The following ING4 variants were observed in gnomAD, a reference collection of about 807,000 sequenced individuals.
ING4 encodes the protein inhibitor of growth protein 4.
A neutral mutation model predicts 33.1 loss-of-function variants in ING4; 28 were observed. The observed-to-expected ratio is 0.85, with a 90% CI of 0.63 to 1.16. The LOEUF (loss-of-function observed/expected upper bound fraction) is 1.16. ING4 is among the 50% of genes most tolerant of loss of function. ING4 has a pLI of 0.00. For missense variants in ING4, 247 were observed against 314.7 expected (o/e 0.78, Z 1.63); for synonymous variants, 87 against 104.4 (o/e 0.83, Z 1.02).
Position 6,650,964 on chromosome 12 carries a change from C to T in ING4, c.*231G>A, listed in dbSNP as rs1003632570. ...GACAGTGGGCAAGACCACGTCCCTC[C>T]GAAGGGAGAGGGCTGAAGGAGAGCA... On this transcript the variant is annotated 3_prime_UTR_variant, in exon 8 of 8. Coordinates refer to ENST00000341550, the MANE Select transcript of ING4 (RefSeq NM_016162.4). 1.3e-4 allele frequency: 76 copies of T among 592,178 alleles called. No individual in the cohort carries two copies. The African/African-American group carries it at 1.3e-3, about 10-fold the overall frequency. The allele number at this position is 592,178 out of a possible 1,614,324, so 36.7% of individuals were successfully genotyped here. A position where few individuals can be genotyped will look rare whatever the true frequency, so the allele number is the denominator to read the frequency against.
intron 2 of ING4, chr12:6,655,491 TCTGTGAAGACA>T (rs1361025746): frequency 1.1e-5 from 5 of 442,152 alleles, no homozygotes; most frequent in Non-Finnish European, 1.2e-5. Context: ...ACCAGGAGGA[TCTGTGAAGACA>T]CTGTTTATAC....
Position 6,651,088 on chromosome 12 carries a change from G to T in ING4, c.*107C>A. The T allele has an allele frequency of 8.2e-7, 1 of 1,217,062 alleles. No individual in the cohort carries two copies. The highest frequency in any genetic ancestry group is 1.2e-6 in the Non-Finnish European group (1 of 829,518). The allele number at this position is 1,217,062 out of a possible 1,614,324, so 75.4% of individuals were successfully genotyped here. On this transcript the variant is annotated 3_prime_UTR_variant, in exon 8 of 8. Transcript: ENST00000341550. ...GGAGGAGAAGGGATGACAGCACTGTGCCATCCACTCCTCCCTGAACCCCTG... is the reference window on the plus strand; with the variant it reads ...GGAGGAGAAGGGATGACAGCACTGTTCCATCCACTCCTCCCTGAACCCCTG...
At position 6,651,109 on chromosome 12, in the gene ING4, C is replaced by A; in HGVS notation, c.*86G>T. 1 of 1,447,076 alleles carries A rather than the reference C, an allele frequency of 6.9e-7. No homozygotes were observed. The highest frequency in any genetic ancestry group is 1.4e-5 in the African/African-American group (1 of 71,478). 89.6% of individuals were successfully genotyped at this position (1,447,076 alleles called of 1,614,324 possible). A position where few individuals can be genotyped will look rare whatever the true frequency, so the allele number is the denominator to read the frequency against. ...CTGTGCCATCCACTCCTCCCTGAAC[C>A]CCTGGCCCCAGCACAGGCATTCCTC... On this transcript the variant is annotated 3_prime_UTR_variant, in exon 8 of 8. Coordinates refer to ENST00000341550, the MANE Select transcript of ING4 (RefSeq NM_016162.4).
intron 1 of ING4, among the ~76,000 whole-genome samples, chr12:6,659,730 G>A (rs1389527910): frequency 6.7e-6 from 1 of 148,228 alleles, no homozygotes; most frequent in South Asian, 2.1e-4. Flanking sequence ...GGAGAGTGGC[G>A]TGCATCCAGG....
At chr12:6,652,128 G>A (rs1230563210) in intron 6 of ING4, 143 bp downstream of exon 6, 2 of 1,057,122 alleles carry the variant, frequency 1.9e-6, no homozygotes, top group South Asian at 1.7e-5. Flanking sequence ...CCAAAGTGCT[G>A]GGATTTCAGG....
chr12:6,651,480 C>T, intron 6 of ING4, 95 bp from the exon 7 acceptor site: 1 of 1,014,918 alleles, frequency 9.9e-7, no homozygotes, highest in Non-Finnish European at 1.5e-6. Flanking sequence ...CTGTCCTTTA[C>T]TCCATCCTTT....
intron 6 of ING4, among the ~76,000 whole-genome samples, chr12:6,651,845 A>G (rs1592315030): frequency 2.3e-5 from 3 of 130,904 alleles, no homozygotes; most frequent in Admixed American, 8.1e-5. Context: ...CCAGGCTTTC[A>G]GGCTTTTTTT....
At chr12:6,653,848 T>C (rs761491214) in intron 2 of ING4, among the ~76,000 whole-genome samples, 1 of 152,104 alleles carries the variant, frequency 6.6e-6, no homozygotes, top group Non-Finnish European at 1.5e-5. Flanking sequence ...ATCAATATCA[T>C]ACATTTCAAA....
At chr12:6,662,954 G>T in intron 1 of ING4, 111 bp downstream of exon 1, 1 of 1,188,312 alleles carries the variant, frequency 8.4e-7, no homozygotes, top group Non-Finnish European at 1.2e-6. Flanking sequence ...CCACAGAACC[G>T]CTTCATAATT....
intron 1 of ING4, chr12:6,657,663 G>A (rs1949405211): frequency 6.6e-6 from 1 of 151,772 alleles, no homozygotes; most frequent in Non-Finnish European, 1.5e-5. Context: ...CAGGTGTGGT[G>A]GCTCAAGCCT....
At chr12:6,655,117 C>T (rs1285052914) in intron 2 of ING4, among the ~76,000 whole-genome samples, 1 of 151,978 alleles carries the variant, frequency 6.6e-6, no homozygotes, top group Admixed American at 6.6e-5. Flanking sequence ...GATTTCAGCT[C>T]ACTGCAACCT....
At position 6,652,938 on chromosome 12, in the gene ING4, T is replaced by C; in HGVS notation, c.389A>G (p.Lys130Arg). 1 of 1,612,864 alleles carries C rather than the reference T, an allele frequency of 6.2e-7. No individual in the cohort carries two copies. Among genetic ancestry groups the C allele is most frequent in the South Asian group, 1.1e-5 (1 of 91,048 alleles). ...TCACAGCCCCGCCCCCTCCTCACTC[T>C]TTTTGCCTTTGCTGGAAGAGCTGTC... ...DYDSSSSKGK[K>R]SRTQKEKKAA... Residue 130 changes from lysine to arginine, a missense_variant and splice_region_variant, in exon 4 of 8, where the codon AAG becomes AGG. This residue lies in a region of ING4 where 198 missense variants were observed against 221.2 expected (regional missense o/e 0.89). Coordinates refer to ENST00000341550, the MANE Select transcript of ING4 (RefSeq NM_016162.4).
rs534646708 is a variant in ING4, at chr12:6,662,764, C to T, written c.37+301G>A. Among the ~76,000 whole-genome samples the T allele has an allele frequency of 7.2e-5, 11 of 152,204 alleles. No individual in the cohort carries two copies. The South Asian group carries it at 2.3e-3, about 32-fold the overall frequency. Reference sequence around the variant, plus strand: ...TCTGAACGACTATGGGGAAAAAAATCTACCGAGGCTGGAGACCCTGGAGAA... The same window carrying T: ...TCTGAACGACTATGGGGAAAAAAATTTACCGAGGCTGGAGACCCTGGAGAA... On this transcript the variant is annotated intron_variant, in intron 1 of 7. Coordinates refer to ENST00000341550, the MANE Select transcript of ING4 (RefSeq NM_016162.4).
chr12:6,655,956 CT>C (rs757476508), intron 2 of ING4: 5 of 450,646 alleles, frequency 1.1e-5, no homozygotes, highest in East Asian at 7.0e-5. Flanking sequence ...TCAATTACTG[CT>C]TTTTTTTCTT....
In ING4 at chr12:6,652,733, A is replaced by G; in HGVS notation, c.426T>C (p.Ala142=). 6.2e-7 allele frequency: 1 copy of G among 1,614,116 alleles called. No individual in the cohort carries two copies. The highest frequency in any genetic ancestry group is 8.5e-7 in the Non-Finnish European group (1 of 1,180,034). The change falls in exon 5 of 8, where the codon GCT becomes GCC. Residue 142 remains alanine (A), a synonymous_variant. Coordinates refer to ENST00000341550, the MANE Select transcript of ING4 (RefSeq NM_016162.4). ...RTQKEKKAAR[A]RSKGKNSDEE... is the part of the protein sequence containing the mutation. ...CATCCGAGTTTTTCCCTTTGGAACG[A>G]GCACGAGCAGCTTTCTTCTCCTTTT...
chr12:6,655,965 CT>C (rs1478836069), intron 2 of ING4: 4 of 449,248 alleles, frequency 8.9e-6, no homozygotes, highest in Non-Finnish European at 1.8e-5. Context: ...GCTTTTTTTT[CT>C]TTCCTCTTTC....
chr12:6,655,972 CTTTCT>C (rs1449781561), intron 2 of ING4: 2 of 450,072 alleles, frequency 4.4e-6, no homozygotes, highest in African/African-American at 2.0e-5. Flanking sequence ...TTTCTTTCCT[CTTTCT>C]TTTTTCTTTC....
At chr12:6,659,794 C>T (rs2078039682) in intron 1 of ING4, among the ~76,000 whole-genome samples, 1 of 139,624 alleles carries the variant, frequency 7.2e-6, no homozygotes, top group African/African-American at 2.7e-5. Flanking sequence ...GCCTGGGCGA[C>T]AGAGCGAGAC....
At chr12:6,662,681 G>T (rs191847714) in intron 1 of ING4, among the ~76,000 whole-genome samples, 13 of 152,290 alleles carry the variant, frequency 8.5e-5, no homozygotes, top group Non-Finnish European at 1.3e-4. Flanking sequence ...TTTTGAGGAA[G>T]AATGGAGTGG....
Sources: gnomAD v4.1 joint callset for allele counts (sites outside exome capture counted in the v4.1 genomes callset) on GRCh38, gnomAD v4.1.1 for gene constraint, gnomAD v4.1.1 regional missense constraint, MANE v1.5 for transcripts, NCBI Gene and HGNC (gene_info 2026-07-23, HGNC 2026-07-21) for gene names.